The following PRKAG2 variants were observed in gnomAD, a reference collection of about 807,000 sequenced individuals.
The protein encoded by PRKAG2 is protein kinase AMP-activated non-catalytic subunit gamma 2, also known as 5'-AMP-activated protein kinase subunit gamma-2.
Under a neutral mutation model 69.6 loss-of-function variants are expected in PRKAG2, and 26 were observed. That is an observed-to-expected ratio of 0.37 (90% CI 0.27 to 0.52). The LOEUF is 0.52. Ranked by LOEUF, PRKAG2 falls within the 20% of genes least tolerant of loss-of-function variation. PRKAG2 has a pLI of 0.90. For synonymous variants in PRKAG2, 293 were observed against 285.0 expected (o/e 1.03, Z -0.28); for missense variants, 557 against 740.0 (o/e 0.75, Z 2.87).
In PRKAG2 at chr7:151,876,634, A is replaced by T. The variant is rs1364976299; in HGVS notation, c.-14T>A. 4.4e-6 allele frequency: 7 copies of T among 1,606,210 alleles called. No homozygotes were observed. The highest frequency in any genetic ancestry group is 5.9e-6 in the Non-Finnish European group (7 of 1,179,040). On this transcript the variant is annotated 5_prime_UTR_variant, in exon 1 of 16. Transcript: ENST00000287878. Reference sequence around the variant, plus strand: ...CGCGCTTCCCATAACTCTAACCAGAAGTTGATTCTGCGAAACTCCTCGGGG... The same window carrying T: ...CGCGCTTCCCATAACTCTAACCAGATGTTGATTCTGCGAAACTCCTCGGGG...
chr7:151,774,676 G>A (rs541439019), intron 3 of PRKAG2, among the ~76,000 whole-genome samples: 6 of 152,006 alleles, frequency 3.9e-5, no homozygotes, highest in Non-Finnish European at 8.8e-5. Flanking sequence ...GTGTGGTGGC[G>A]GGCGCCTGTA....
At chr7:151,589,558 C>A (rs1422426521) in intron 6 of PRKAG2, among the ~76,000 whole-genome samples, 3 of 152,238 alleles carry the variant, frequency 2.0e-5, no homozygotes, top group African/African-American at 7.2e-5. Flanking sequence ...TAATTTAGAT[C>A]CAGTTAACAT....
rs151181735 is a variant in PRKAG2 at position 151,673,802 on chromosome 7, G to A, written c.684+1618C>T. Among the ~76,000 whole-genome samples the A allele has an allele frequency of 1.2e-3, 178 of 149,742 alleles. 2 individuals are homozygous for A. The highest frequency in any genetic ancestry group is 2.8e-3 in the Admixed American group (42 of 15,072). ...TTTGTAGATATAATCAGGTTAAGAT[G>A]ATAGGGGTGGGCCCTCATCCAATGT... On this transcript the variant is annotated intron_variant, in intron 4 of 15. Coordinates refer to ENST00000287878, the MANE Select transcript of PRKAG2 (RefSeq NM_016203.4).
In PRKAG2 at chr7:151,814,737, C is replaced by T. The variant is rs1586655387; in HGVS notation, c.115-28196G>A. ...GACAGCATGGGCTGGCCTAAGACAG[C>T]GCAGGCAACGGTCTTGGTGGCTGGA... is the stretch of plus-strand genomic sequence containing the variant. On this transcript the variant is annotated intron_variant, in intron 1 of 15. Coordinates refer to ENST00000287878, the MANE Select transcript of PRKAG2 (RefSeq NM_016203.4). The surrounding 1 kb of genome is among the most constrained non-coding windows in gnomAD (Gnocchi z 4.8). 6.5e-6 allele frequency: 8 copies of T among 1,231,594 alleles called. No homozygotes were observed. Among genetic ancestry groups the T allele is most frequent in the South Asian group, 4.1e-5 (1 of 24,316 alleles). 76.3% of individuals were successfully genotyped at this position (1,231,594 alleles called of 1,614,324 possible).
At chr7:151,723,540 T>C (rs1797459107) in intron 3 of PRKAG2, among the ~76,000 whole-genome samples, 3 of 152,244 alleles carry the variant, frequency 2.0e-5, no homozygotes, top group Admixed American at 6.5e-5. Flanking sequence ...TCCTGATGGC[T>C]GCTTGGCCTC....
chr7:151,613,308 G>C (rs1819308144), intron 5 of PRKAG2, among the ~76,000 whole-genome samples: 1 of 152,152 alleles, frequency 6.6e-6, no homozygotes, highest in African/African-American at 2.4e-5. Context: ...CTGAAAACCT[G>C]AAATCTGAAA....
In PRKAG2 at chr7:151,604,084, T is replaced by A. The variant is rs554964293; in HGVS notation, c.755-8630A>T. 3.9e-5 allele frequency among the ~76,000 whole-genome samples: 6 copies of A among 152,252 alleles called. No homozygotes were observed. The South Asian group carries it at 1.2e-3, about 32-fold the overall frequency. On this transcript the variant is annotated intron_variant, in intron 5 of 15. Coordinates refer to ENST00000287878, the MANE Select transcript of PRKAG2 (RefSeq NM_016203.4). ...GTTAAGACAGTTTCCAAGCCTGCCA[T>A]GGCTTAGACTTTCTGGCAGGTCCTC... is the stretch of plus-strand genomic sequence containing the variant.
chr7:151,714,090 G>A (rs933393097), intron 3 of PRKAG2, among the ~76,000 whole-genome samples: 1 of 152,098 alleles, frequency 6.6e-6, no homozygotes, highest in Admixed American at 6.5e-5. Context: ...TGGGGTCCCA[G>A]CCCTGCCACT....
chr7:151,807,507 C>T lies in PRKAG2; in HGVS notation c.115-20966G>A, dbSNP rs776633081. On this transcript the variant is annotated intron_variant, in intron 1 of 15. Transcript: ENST00000287878. The surrounding 1 kb of genome is among the most constrained non-coding windows in gnomAD (Gnocchi z 4.4). Reference sequence around the variant, plus strand: ...TACACCTATCAGATCGGGCACACTGCCCCTTCTTCCCAACCTACGAGCTGA... The same window carrying T: ...TACACCTATCAGATCGGGCACACTGTCCCTTCTTCCCAACCTACGAGCTGA... 4.4e-5 allele frequency: 20 copies of T among 457,878 alleles called. No individual in the cohort carries two copies. The highest frequency in any genetic ancestry group is 2.6e-4 in the Admixed American group (11 of 42,586). 28.4% of individuals were successfully genotyped at this position (457,878 alleles called of 1,614,324 possible).
At chr7:151,739,753 G>A (rs1299360306) in intron 3 of PRKAG2, among the ~76,000 whole-genome samples, 1 of 152,048 alleles carries the variant, frequency 6.6e-6, no homozygotes, top group Non-Finnish European at 1.5e-5. Context: ...TTACAGGTGT[G>A]AGCCACCACA....
At chr7:151,799,807 C>T (rs565246202) in intron 1 of PRKAG2, among the ~76,000 whole-genome samples, 3 of 152,336 alleles carry the variant, frequency 2.0e-5, no homozygotes, top group Non-Finnish European at 2.9e-5. Flanking sequence ...GCCAGGGCCA[C>T]GCTGCAGGCA....
At chr7:151,565,514 CT>C in intron 12 of PRKAG2, 131 bp from the exon 13 acceptor site, 1 of 990,464 alleles carries the variant, frequency 1.0e-6, no homozygotes, top group Non-Finnish European at 1.5e-6. Context: ...TAAATGAAAA[CT>C]TAGATATGAA....
At chr7:151,599,170 CA>C in intron 5 of PRKAG2, among the ~76,000 whole-genome samples, 1 of 152,198 alleles carries the variant, frequency 6.6e-6, no homozygotes, top group East Asian at 1.9e-4. Context: ...ACAATTTAAA[CA>C]AAAATAATGA....
rs1563733858 is a variant in PRKAG2 at position 151,827,756 on chromosome 7, A to AC, written c.115-41216_115-41215insG. Among the ~76,000 whole-genome samples, 7 of 148,724 alleles carry AC rather than the reference A, an allele frequency of 4.7e-5. No homozygotes were observed. The South Asian group carries it at 6.5e-4, about 14-fold the overall frequency. ...GAGGTGGCCTTAGGTAAAAAAAAAA[A>AC]AAAAAAAAAAAAAAAAAACTGCCTT... On this transcript the variant is annotated intron_variant, in intron 1 of 15. Transcript: ENST00000287878.
intron 3 of PRKAG2, among the ~76,000 whole-genome samples, chr7:151,738,702 T>C (rs2073647789): frequency 6.6e-6 from 1 of 152,284 alleles, no homozygotes; most frequent in Non-Finnish European, 1.5e-5. Context: ...ATGCTTTTAG[T>C]TAATTTAATA....
At chr7:151,701,900 TG>T (rs1837768908) in intron 3 of PRKAG2, among the ~76,000 whole-genome samples, 1 of 148,018 alleles carries the variant, frequency 6.8e-6, no homozygotes, top group African/African-American at 2.5e-5. Flanking sequence ...AGGAGGCAGG[TG>T]GGGAGCAGGT....
At chr7:151,751,191 A>G (rs945963986) in intron 3 of PRKAG2, among the ~76,000 whole-genome samples, 1 of 147,374 alleles carries the variant, frequency 6.8e-6, no homozygotes, top group Non-Finnish European at 1.5e-5. Flanking sequence ...TCTGCCTCCC[A>G]GGTTCATGCT....
At chr7:151,588,098 T>A (rs1812133872) in intron 6 of PRKAG2, among the ~76,000 whole-genome samples, 1 of 152,210 alleles carries the variant, frequency 6.6e-6, no homozygotes, top group Admixed American at 6.5e-5. Flanking sequence ...GGATCATTCC[T>A]AATGCTTCCC....
intron 9 of PRKAG2, 84 bp downstream of exon 9, chr7:151,572,580 G>T: frequency 2.0e-6 from 2 of 990,060 alleles, no homozygotes; most frequent in Non-Finnish European, 3.2e-6. Context: ...AGAGAGAAAA[G>T]GATCTGCAAA....
Sources: allele counts gnomAD v4.1 joint callset (sites outside exome capture counted in the v4.1 genomes callset), GRCh38; gene constraint gnomAD v4.1.1; non-coding constraint Gnocchi (gnomAD v3.1); transcripts MANE v1.5; gene names NCBI Gene and HGNC (gene_info 2026-07-23, HGNC 2026-07-21).